ZNF385D: variants seen among roughly 807,000 people sequenced by gnomAD.
ZNF385D encodes the protein zinc finger protein 385D, also known as zinc finger protein 659.
A neutral mutation model predicts 35.8 loss-of-function variants in ZNF385D; 15 were observed. The observed-to-expected ratio is 0.42, with a 90% CI of 0.28 to 0.64. The LOEUF is 0.64. Ranked by LOEUF, ZNF385D falls within the 30% of genes least tolerant of loss-of-function variation. The probability of loss-of-function intolerance (pLI) is 0.23; values close to 1 mark genes in which losing one functional copy is unlikely to be tolerated. For synonymous variants in ZNF385D, 212 were observed against 186.8 expected, an observed-to-expected ratio of 1.13 and a Z score of -1.10; for missense variants, 474 against 494.6, an observed-to-expected ratio of 0.96 and a Z score of 0.39.
intron 3 of ZNF385D, among the ~76,000 whole-genome samples, chr3:21,785,016 C>A (rs2071630611): frequency 6.6e-6 from 1 of 152,114 alleles, no homozygotes; most frequent in Admixed American, 6.6e-5. Flanking sequence ...CTCACCTCTT[C>A]CTAGTTTAGC....
chr3:21,989,225 G>A (rs1009613610), intron 3 of ZNF385D, among the ~76,000 whole-genome samples: 2 of 152,126 alleles, frequency 1.3e-5, no homozygotes, highest in South Asian at 2.1e-4. Context: ...AGGAATGGTC[G>A]TGGTTTAACC....
chr3:21,873,306 T>G (rs1697794249), intron 3 of ZNF385D, among the ~76,000 whole-genome samples: 1 of 152,136 alleles, frequency 6.6e-6, no homozygotes, highest in Admixed American at 6.6e-5. Context: ...ATGGGCGGTA[T>G]ATTTTTAAAG....
At chr3:22,143,976 T>C (rs1481079557) in intron 3 of ZNF385D, among the ~76,000 whole-genome samples, 2 of 152,168 alleles carry the variant, frequency 1.3e-5, no homozygotes, top group Admixed American at 6.5e-5. Flanking sequence ...TCAAAGTAAG[T>C]ATTGTCAGCT....
At chr3:22,214,897 T>C (rs1164294947) in intron 2 of ZNF385D, among the ~76,000 whole-genome samples, 1 of 151,968 alleles carries the variant, frequency 6.6e-6, no homozygotes, top group African/African-American at 2.4e-5. Context: ...AAGCACGTGA[T>C]GTCTGTGACC....
intron 3 of ZNF385D, among the ~76,000 whole-genome samples, chr3:21,520,166 C>T (rs1707820230): frequency 6.6e-6 from 1 of 152,156 alleles, no homozygotes; most frequent in Non-Finnish European, 1.5e-5. Context: ...CTGCCTGGAG[C>T]ACCTGTACTT....
exon 3 of ZNF385D, chr3:22,168,838 C>T (rs1706505655): frequency 1.4e-5 from 14 of 985,732 alleles, no homozygotes; most frequent in Admixed American, 6.1e-5. Flanking sequence ...TTCAGCGTCC[C>T]ATTGCTGAGT....
intron 2 of ZNF385D, among the ~76,000 whole-genome samples, chr3:21,572,699 C>T (rs536257266): frequency 6.6e-6 from 1 of 152,152 alleles, no homozygotes; most frequent in South Asian, 2.1e-4. Context: ...CAGCTCTGAC[C>T]CTTATGATGA....
At chr3:22,285,494 T>A (rs955798896) in intron 2 of ZNF385D, among the ~76,000 whole-genome samples, 1 of 152,122 alleles carries the variant, frequency 6.6e-6, no homozygotes, top group Non-Finnish European at 1.5e-5. Context: ...AGGAAGAAAT[T>A]TTCTATGTTG....
At chr3:21,939,127 T>A (rs560989535) in intron 3 of ZNF385D, among the ~76,000 whole-genome samples, 1 of 152,334 alleles carries the variant, frequency 6.6e-6, no homozygotes, top group East Asian at 1.9e-4. Context: ...TGGAGACTAA[T>A]GTGCTGTCAT....
intron 3 of ZNF385D, among the ~76,000 whole-genome samples, chr3:21,548,662 C>A (rs1040822362): frequency 6.6e-6 from 1 of 152,206 alleles, no homozygotes; most frequent in Non-Finnish European, 1.5e-5. Flanking sequence ...AATTCCTGAA[C>A]ATGCTACTGA....
chr3:22,138,430 C>T (rs1291010889), intron 3 of ZNF385D, among the ~76,000 whole-genome samples: 1 of 152,140 alleles, frequency 6.6e-6, no homozygotes, highest in African/African-American at 2.4e-5. Context: ...TACAAGGCTA[C>T]AGTAACCAAA....
At chr3:21,474,305 T>C (rs762337484) in intron 4 of ZNF385D, among the ~76,000 whole-genome samples, 19 of 151,948 alleles carry the variant, frequency 1.3e-4, no homozygotes, top group Non-Finnish European at 2.4e-4. Context: ...ACTATACACC[T>C]TGTGAGGACT....
intron 2 of ZNF385D, among the ~76,000 whole-genome samples, chr3:22,341,116 C>A (rs1366130609): frequency 6.6e-6 from 1 of 152,162 alleles, no homozygotes; most frequent in Admixed American, 6.5e-5. Flanking sequence ...CTGGAAACAT[C>A]AAAGATTTCA....
chr3:22,094,646 C>A (rs1701518846), intron 3 of ZNF385D, among the ~76,000 whole-genome samples: 1 of 151,840 alleles, frequency 6.6e-6, no homozygotes, highest in African/African-American at 2.4e-5. Flanking sequence ...AGCTTTGGTT[C>A]AAAGACTGCC....
At chr3:21,874,279 C>T (rs1156469458) in intron 3 of ZNF385D, among the ~76,000 whole-genome samples, 1 of 151,954 alleles carries the variant, frequency 6.6e-6, no homozygotes, top group Non-Finnish European at 1.5e-5. Context: ...AATATACTTA[C>T]TGGCAATTTG....
At chr3:22,075,835 T>C (rs1700436612) in intron 3 of ZNF385D, among the ~76,000 whole-genome samples, 1 of 151,930 alleles carries the variant, frequency 6.6e-6, no homozygotes. Context: ...TATCTTCAAA[T>C]GCATAAATGA....
At chr3:22,174,469 T>G (rs1331205631) in intron 2 of ZNF385D, among the ~76,000 whole-genome samples, 1 of 152,160 alleles carries the variant, frequency 6.6e-6, no homozygotes, top group Non-Finnish European at 1.5e-5. Flanking sequence ...ACTTACAAAG[T>G]CATACGACTC....
chr3:21,588,787 A>T (rs1184992080), intron 2 of ZNF385D, among the ~76,000 whole-genome samples: 1 of 152,158 alleles, frequency 6.6e-6, no homozygotes, highest in East Asian at 1.9e-4. Flanking sequence ...GACCTACTAG[A>T]CATCAAGCCT....
chr3:22,216,000 G>T (rs1296835896), intron 2 of ZNF385D, among the ~76,000 whole-genome samples: 1 of 151,932 alleles, frequency 6.6e-6, no homozygotes, highest in Non-Finnish European at 1.5e-5. Context: ...CAATAGCTAT[G>T]GAATTGCTCC....
Sources: gnomAD v4.1 joint callset for allele counts (sites outside exome capture counted in the v4.1 genomes callset) on GRCh38, gnomAD v4.1.1 for gene constraint, MANE v1.5 for transcripts, NCBI Gene and HGNC (gene_info 2026-07-23, HGNC 2026-07-21) for gene names.